Variants in ACBD6 observed in about 807,000 individuals in gnomAD.
The protein encoded by ACBD6 is acyl-CoA binding domain containing 6, also known as acyl-CoA-binding domain-containing protein 6.
Under a neutral mutation model 37.2 loss-of-function variants are expected in ACBD6, and 28 were observed. The observed-to-expected ratio is 0.75, with a 90% CI of 0.56 to 1.03. ACBD6 has a LOEUF of 1.03. ACBD6 is among the 50% of genes least tolerant of loss of function. The pLI is 0.00. For synonymous variants in ACBD6, 113 were observed against 126.8 expected (o/e 0.89, Z 0.73); for missense variants, 340 against 337.4 (o/e 1.01, Z -0.06).
intron 4 of ACBD6, among the ~76,000 whole-genome samples, chr1:180,415,954 T>A (rs1371502299): frequency 6.6e-6 from 1 of 152,186 alleles, no homozygotes; most frequent in East Asian, 1.9e-4. Flanking sequence ...GTATATAGTT[T>A]ATCATCACCA....
chr1:180,402,514 G>A (rs1366695472), intron 5 of ACBD6, among the ~76,000 whole-genome samples: 1 of 152,110 alleles, frequency 6.6e-6, no homozygotes, highest in African/African-American at 2.4e-5. Context: ...GAAAGATTTT[G>A]AATACACTAC....
chr1:180,389,404 T>A (rs1487635934), intron 6 of ACBD6, among the ~76,000 whole-genome samples: 8 of 152,196 alleles, frequency 5.3e-5, no homozygotes, highest in African/African-American at 1.4e-4. Context: ...TCTATCATTG[T>A]TGGACATTTG....
intron 3 of ACBD6, among the ~76,000 whole-genome samples, chr1:180,452,445 T>G (rs1188652950): frequency 6.6e-6 from 1 of 151,954 alleles, no homozygotes; most frequent in Non-Finnish European, 1.5e-5. Context: ...TACTCCAGCC[T>G]GGGCAACAGA....
chr1:180,283,255 G>A (rs957776412), downstream of ACBD6, among the ~76,000 whole-genome samples: 4 of 152,142 alleles, frequency 2.6e-5, no homozygotes, highest in East Asian at 3.8e-4. Flanking sequence ...CTTTTAGTGC[G>A]TATAAATGTG....
At chr1:180,300,216 A>G (rs1262208882) in intron 7 of ACBD6, among the ~76,000 whole-genome samples, 1 of 152,228 alleles carries the variant, frequency 6.6e-6, no homozygotes, top group African/African-American at 2.4e-5. Context: ...ATTTAACGAT[A>G]CTTATAGTTT....
chr1:180,313,833 C>T (rs1650687425), intron 7 of ACBD6, among the ~76,000 whole-genome samples: 2 of 152,098 alleles, frequency 1.3e-5, no homozygotes, highest in African/African-American at 2.4e-5. Context: ...CCCAACTCTA[C>T]ACAGACTCTT....
At chr1:180,372,322 G>C (rs992186338) in intron 6 of ACBD6, among the ~76,000 whole-genome samples, 1 of 152,076 alleles carries the variant, frequency 6.6e-6, no homozygotes, top group Admixed American at 6.6e-5. Context: ...TATCTTTGCT[G>C]AAGTAGATTA....
chr1:180,396,487 C>T, intron 6 of ACBD6, among the ~76,000 whole-genome samples: 1 of 151,926 alleles, frequency 6.6e-6, no homozygotes, highest in East Asian at 1.9e-4. Context: ...TCAAAAGACA[C>T]CATCAAGAAA....
chr1:180,288,265 C>T lies in ACBD6; in HGVS notation c.*98G>A, dbSNP rs1558234805. 4.5e-6 allele frequency: 7 copies of T among 1,539,758 alleles called. No individual in the cohort carries two copies. Among genetic ancestry groups the T allele is most frequent in the Non-Finnish European group, 5.3e-6 (6 of 1,124,140 alleles). On this transcript the variant is annotated 3_prime_UTR_variant, in exon 8 of 8. Transcript: ENST00000367595. ...ACAGAACTGATTTTATTAGCCAATA[C>T]ATACCAAAGACGGGTGGAAAAGAAG...
intron 6 of ACBD6, among the ~76,000 whole-genome samples, chr1:180,384,306 G>A (rs1653766139): frequency 6.6e-6 from 1 of 151,918 alleles, no homozygotes; most frequent in African/African-American, 2.4e-5. Flanking sequence ...CCATTCAATA[G>A]TTAAAAAAAT....
intron 3 of ACBD6, chr1:180,435,071 T>C: frequency 1.2e-6 from 1 of 810,980 alleles, no homozygotes; most frequent in South Asian, 1.3e-5. Context: ...TTGCACATGA[T>C]CTGAAGCTTA....
chr1:180,391,162 T>G (rs1224896737), intron 6 of ACBD6, among the ~76,000 whole-genome samples: 1 of 152,142 alleles, frequency 6.6e-6, no homozygotes, highest in African/African-American at 2.4e-5. Flanking sequence ...TACTTCACAC[T>G]CTACCCAATT....
chr1:180,296,278 C>A (rs1649913913), intron 7 of ACBD6, among the ~76,000 whole-genome samples: 1 of 152,116 alleles, frequency 6.6e-6, no homozygotes, highest in South Asian at 2.1e-4. Context: ...TTGGCAGAGG[C>A]TGACTCATGA....
At chr1:180,377,706 G>A (rs534599786) in intron 6 of ACBD6, among the ~76,000 whole-genome samples, 130 of 152,238 alleles carry the variant, frequency 8.5e-4, no homozygotes, top group African/African-American at 2.9e-3. Flanking sequence ...CCAGCACTCT[G>A]GGAGGCCAAG....
intron 4 of ACBD6, among the ~76,000 whole-genome samples, chr1:180,414,442 G>A (rs1162106801): frequency 6.6e-6 from 1 of 152,160 alleles, no homozygotes; most frequent in Non-Finnish European, 1.5e-5. Context: ...TAAACATCTT[G>A]TGTCATACAG....
chr1:180,350,693 T>C (rs976368645), intron 6 of ACBD6, among the ~76,000 whole-genome samples: 2 of 152,158 alleles, frequency 1.3e-5, no homozygotes, highest in Non-Finnish European at 2.9e-5. Flanking sequence ...CCTTCAAATA[T>C]CACCTAGCCT....
chr1:180,285,826 T>C (rs914945413), downstream of ACBD6, among the ~76,000 whole-genome samples: 47 of 152,236 alleles, frequency 3.1e-4, no homozygotes, highest in African/African-American at 1.0e-3. Flanking sequence ...AAAAAAGATA[T>C]ACTAGATACA....
intron 6 of ACBD6, among the ~76,000 whole-genome samples, chr1:180,332,637 G>A (rs1194613850): frequency 3.9e-5 from 6 of 152,000 alleles, no homozygotes; most frequent in Non-Finnish European, 7.4e-5. Context: ...CCATCTAGTT[G>A]CAGGAAAACA....
intron 7 of ACBD6, among the ~76,000 whole-genome samples, chr1:180,291,461 T>C (rs1649703657): frequency 6.6e-6 from 1 of 152,224 alleles, no homozygotes; most frequent in Non-Finnish European, 1.5e-5. Flanking sequence ...ACTTCCCTAA[T>C]GTCTAACAAT....
Sources: gnomAD v4.1 joint callset for allele counts (sites outside exome capture counted in the v4.1 genomes callset) on GRCh38, gnomAD v4.1.1 for gene constraint, MANE v1.5 for transcripts, NCBI Gene and HGNC (gene_info 2026-07-23, HGNC 2026-07-21) for gene names.